ABR: variants seen among roughly 807,000 people sequenced by gnomAD.
The protein encoded by ABR is ABR activator of RhoGEF and GTPase.
In ABR, 35 loss-of-function variants were observed where a neutral mutation model predicts 107.2. The ratio of observed to expected loss-of-function variants is 0.33; its 90% CI spans 0.25 to 0.43. The LOEUF is 0.43. ABR is among the 20% of genes least tolerant of loss of function. The pLI, the probability that ABR is intolerant of heterozygous loss-of-function variation, is 1.00. For synonymous variants in ABR, 498 were observed against 462.0 expected (o/e 1.08, Z -1.00); for missense variants, 815 against 1,115.2 (o/e 0.73, Z 3.83).
intron 17 of ABR, 102 bp downstream of exon 17, chr17:1,013,003 C>G: frequency 1.4e-6 from 2 of 1,428,468 alleles, no homozygotes; most frequent in Non-Finnish European, 2.0e-6. Flanking sequence ...GTCGAGGCGG[C>G]ACAGCGGCCC....
At chr17:1,031,805 C>CAGTCCCGCTAGTTCCCT (rs896651024) in intron 16 of ABR, 2 of 1,185,710 alleles carry the variant, frequency 1.7e-6, no homozygotes, top group African/African-American at 3.2e-5. Context: ...TCCCGGCTGC[C>CAGTCCCGCTAGTTCCCT]AGTCCCGCTA....
At chr17:1,165,307 C>T (rs1472588574) in intron 1 of ABR, among the ~76,000 whole-genome samples, 1 of 152,232 alleles carries the variant, frequency 6.6e-6, no homozygotes, top group Non-Finnish European at 1.5e-5. Context: ...AGAGGGAGCT[C>T]CTCACAAGCC....
At chr17:1,212,471 G>A (rs553438661) in intron 1 of ABR, among the ~76,000 whole-genome samples, 2 of 152,032 alleles carry the variant, frequency 1.3e-5, no homozygotes, top group East Asian at 3.9e-4. Flanking sequence ...AACAAAAAGA[G>A]ACGCCAGGCA....
intron 1 of ABR, among the ~76,000 whole-genome samples, chr17:1,216,470 C>T (rs566303793): frequency 2.0e-4 from 30 of 152,348 alleles, no homozygotes; most frequent in African/African-American, 3.4e-4. Context: ...GGAAAGCTGA[C>T]GCCATTGGCA....
At chr17:1,114,096 G>A (rs1163886536) in intron 2 of ABR, among the ~76,000 whole-genome samples, 1 of 149,756 alleles carries the variant, frequency 6.7e-6, no homozygotes, top group Non-Finnish European at 1.5e-5. Context: ...GCTTGGGTCA[G>A]GATATTGAGG....
In ABR at chr17:1,077,860, G is replaced by A. The variant is rs112910901; in HGVS notation, c.700+1470C>T. Among the ~76,000 whole-genome samples, 319 of 152,244 alleles carry A rather than the reference G, an allele frequency of 2.1e-3. 3 individuals are homozygous for A. The highest frequency in any genetic ancestry group is 7.1e-3 in the African/African-American group (295 of 41,564). On this transcript the variant is annotated intron_variant, in intron 6 of 22. Coordinates refer to ENST00000302538, the MANE Select transcript of ABR (RefSeq NM_021962.5). ...CCACAGACTCAGGCCCAGAGCAGCC[G>A]GCCTGGGAGCCACACGTGCCCACCC...
rs542612869 is a variant in ABR, at chr17:1,170,636, A to T, written c.61+9031T>A. 1.4e-4 allele frequency among the ~76,000 whole-genome samples: 21 copies of T among 152,052 alleles called. No individual in the cohort carries two copies. The South Asian group carries it at 4.2e-3, about 30-fold the overall frequency. Reference sequence around the variant, plus strand: ...ATTTTAGTAGAAACGGGGTTTCATCATGTTGGTCAGGCTGGTCTCCAACTC... The same window carrying T: ...ATTTTAGTAGAAACGGGGTTTCATCTTGTTGGTCAGGCTGGTCTCCAACTC... On this transcript the variant is annotated intron_variant, in intron 1 of 22. Coordinates refer to ENST00000302538, the MANE Select transcript of ABR (RefSeq NM_021962.5).
chr17:1,101,032 C>T, intron 2 of ABR: 1 of 413,186 alleles, frequency 2.4e-6, no homozygotes, highest in Non-Finnish European at 4.5e-6. Context: ...CCATGTTGGC[C>T]AGGCTGATAT....
rs12937045 is a variant in ABR, at chr17:1,071,076, T to C, written c.895-986A>G. ...TACTTGGGAGGATGAGGCAGGAGAA[T>C]TGCTTGAACCCAGAGGGTGGAGGCT... On this transcript the variant is annotated intron_variant, in intron 8 of 22. Transcript: ENST00000302538. The surrounding 1 kb of genome is among the most constrained non-coding windows in gnomAD (Gnocchi z 5.1). Among the ~76,000 whole-genome samples the C allele has an allele frequency of 0.059, 9,011 of 152,070 alleles. 368 individuals are homozygous for C. Among genetic ancestry groups the C allele is most frequent in the South Asian group, 0.19 (896 of 4,808 alleles).
intron 16 of ABR, among the ~76,000 whole-genome samples, chr17:1,019,241 C>CGG (rs2071436088): frequency 6.6e-6 from 1 of 152,216 alleles, no homozygotes; most frequent in Non-Finnish European, 1.5e-5. Flanking sequence ...CCGCCTCCTC[C>CGG]AGAGAGCCTT....
At chr17:1,033,969 A>ATTTTT (rs560978094) in intron 16 of ABR, among the ~76,000 whole-genome samples, 1 of 124,594 alleles carries the variant, frequency 8.0e-6, no homozygotes, top group African/African-American at 3.2e-5. Context: ...CACTCATGTC[A>ATTTTT]TTTTTTTTTT....
intron 16 of ABR, among the ~76,000 whole-genome samples, chr17:1,014,824 C>T (rs916279653): frequency 2.9e-4 from 44 of 151,980 alleles, no homozygotes; most frequent in African/African-American, 9.4e-4. Flanking sequence ...CCAGCCTGGG[C>T]GACAGAGTGA....
intron 16 of ABR, among the ~76,000 whole-genome samples, chr17:1,031,157 C>A (rs1257257376): frequency 6.6e-6 from 1 of 152,176 alleles, no homozygotes; most frequent in Non-Finnish European, 1.5e-5. Context: ...TCCCCACAAT[C>A]CTGCACAGAG....
chr17:1,041,672 GCAGTGAGC>G (rs1260829582), intron 16 of ABR, among the ~76,000 whole-genome samples: 1 of 152,212 alleles, frequency 6.6e-6, no homozygotes. Flanking sequence ...GACGGAGGTT[GCAGTGAGC>G]CAAGACTGCG....
upstream of ABR, among the ~76,000 whole-genome samples, chr17:1,189,680 C>T (rs910144483): frequency 3.3e-5 from 3 of 91,374 alleles, no homozygotes; most frequent in African/African-American, 9.3e-5. Context: ...TCCTACTCTC[C>T]CTTCTGGTCT....
intron 5 of ABR, among the ~76,000 whole-genome samples, chr17:1,080,200 T>A (rs371195134): frequency 8.6e-5 from 13 of 151,954 alleles, no homozygotes; most frequent in African/African-American, 3.1e-4. Context: ...CCTACCCCCA[T>A]CAGAGAGCAC....
intron 1 of ABR, among the ~76,000 whole-genome samples, chr17:1,159,292 A>T (rs62069443): frequency 0.42 from 16,645 of 39,816 alleles, 4,046 homozygotes; most frequent in African/African-American, 0.53. Context: ...GAGAGGTAAG[A>T]ATGCGGTACT....
intron 1 of ABR, among the ~76,000 whole-genome samples, chr17:1,146,233 T>C (rs1354830977): frequency 1.3e-5 from 2 of 148,988 alleles, no homozygotes; most frequent in African/African-American, 5.0e-5. Flanking sequence ...TTGTCTCTGC[T>C]TGTTTCTATC....
At chr17:1,012,625 G>A (rs1319873177) in intron 18 of ABR, 63 bp downstream of exon 18, 9 of 1,264,992 alleles carry the variant, frequency 7.1e-6, no homozygotes, top group African/African-American at 3.0e-5. Flanking sequence ...GGGCTGGGGG[G>A]CCCGGGCTGG....
Sources: allele counts gnomAD v4.1 joint callset (sites outside exome capture counted in the v4.1 genomes callset), GRCh38; gene constraint gnomAD v4.1.1; non-coding constraint Gnocchi (gnomAD v3.1); transcripts MANE v1.5; gene names NCBI Gene and HGNC (gene_info 2026-07-23, HGNC 2026-07-21).